Variants in PRMT8 observed in about 807,000 individuals in gnomAD.
PRMT8 encodes protein arginine N-methyltransferase 8.
A neutral mutation model predicts 47.1 loss-of-function variants in PRMT8; 7 were observed. The ratio of observed to expected loss-of-function variants is 0.15; its 90% CI spans 0.08 to 0.28. The LOEUF is 0.28. Ranked by LOEUF, PRMT8 falls within the 10% of genes least tolerant of loss-of-function variation. The pLI, the probability that PRMT8 is intolerant of heterozygous loss-of-function variation, is 1.00. For synonymous variants in PRMT8, 188 were observed against 186.5 expected, an observed-to-expected ratio of 1.01 and a Z score of -0.07; for missense variants, 237 against 505.4, an observed-to-expected ratio of 0.47 and a Z score of 5.09.
intron 1 of PRMT8, among the ~76,000 whole-genome samples, chr12:3,392,317 C>G (rs1369181739): frequency 6.6e-6 from 1 of 151,062 alleles, no homozygotes; most frequent in Non-Finnish European, 1.5e-5. Flanking sequence ...CCCGCTAACT[C>G]ATCATCTAGC....
rs749773006 is a variant in PRMT8, at chr12:3,538,849, G to T, written c.76-1757G>T. 3 of 457,262 alleles carry T rather than the reference G, an allele frequency of 6.6e-6. No individual in the cohort carries two copies. Among genetic ancestry groups the T allele is most frequent in the East Asian group, 1.2e-4 (2 of 17,036 alleles). The allele number at this position is 457,262 out of a possible 1,614,324, so 28.3% of individuals were successfully genotyped here. A position where few individuals can be genotyped will look rare whatever the true frequency, so the allele number is the denominator to read the frequency against. On this transcript the variant is annotated intron_variant, in intron 1 of 9. Coordinates refer to ENST00000382622, the MANE Select transcript of PRMT8 (RefSeq NM_019854.5). The surrounding 1 kb of genome is among the most constrained non-coding windows in gnomAD (Gnocchi z 4.6). ...CAGCCCCACTCGCCTTTGCCAGCCC[G>T]CCCGGGATCTCACCGACGTGAAATC...
At chr12:3,577,836 G>A (rs564308093) in intron 7 of PRMT8, among the ~76,000 whole-genome samples, 22 of 152,266 alleles carry the variant, frequency 1.4e-4, no homozygotes, top group African/African-American at 5.1e-4. Context: ...ATGAAGAACA[G>A]CTGCTCAGCG....
Position 3,535,911 on chromosome 12 carries a change from G to C in PRMT8, c.76-4695G>C, listed in dbSNP as rs1245714063. 6.6e-6 allele frequency among the ~76,000 whole-genome samples: 1 copy of C among 152,154 alleles called. No homozygotes were observed. Among genetic ancestry groups the C allele is most frequent in the African/African-American group, 2.4e-5 (1 of 41,428 alleles). ...TTCACTCAGAGACTCTGCTTGCCTG[G>C]TGTGGCTTAGGGAGGAGTTGAGCCT... is the stretch of plus-strand genomic sequence containing the variant. On this transcript the variant is annotated intron_variant, in intron 1 of 9. Coordinates refer to ENST00000382622, the MANE Select transcript of PRMT8 (RefSeq NM_019854.5). This position sits in a 1 kb window ranked among gnomAD's most constrained non-coding sequence, Gnocchi z 4.7.
intron 1 of PRMT8, among the ~76,000 whole-genome samples, chr12:3,459,572 A>ATTGTGTTTGTTTG: frequency 6.6e-6 from 1 of 152,318 alleles, no homozygotes; most frequent in East Asian, 1.9e-4. Context: ...ATTTATGCAA[A>ATTGTGTTTGTTTG]CACTATGCCA....
rs537307143 is a variant in PRMT8 at position 3,467,200 on chromosome 12, A to T, written c.49-73406A>T. Among the ~76,000 whole-genome samples the T allele has an allele frequency of 6.2e-4, 82 of 131,208 alleles. 2 individuals carry two copies. In the South Asian group the frequency reaches 0.022, roughly 35 times the overall value. The allele number at this position is 131,208 out of a possible 152,430, so 86.1% of individuals were successfully genotyped here. ...GCTTGCAGTGAGCCGAGATCGCACC[A>T]CTGCACTCCAGCCTGGGCGACAGAG... On this transcript the variant is annotated intron_variant, in intron 1 of 9. Transcript: ENST00000452611.
At chr12:3,542,230 T>C (rs1358356029) in intron 2 of PRMT8, among the ~76,000 whole-genome samples, 1 of 152,218 alleles carries the variant, frequency 6.6e-6, no homozygotes, top group Non-Finnish European at 1.5e-5. Context: ...CTGTTCACCA[T>C]GTAAAACCAT....
chr12:3,406,938 C>T (rs1275837203), intron 1 of PRMT8, among the ~76,000 whole-genome samples: 3 of 152,074 alleles, frequency 2.0e-5, no homozygotes, highest in African/African-American at 7.2e-5. Flanking sequence ...ATTCTTGGTA[C>T]CAATTACTGT....
chr12:3,412,681 GT>G (rs1376038887), intron 1 of PRMT8, among the ~76,000 whole-genome samples: 1 of 152,038 alleles, frequency 6.6e-6, no homozygotes, highest in African/African-American at 2.4e-5. Context: ...GTTTGGCTGT[GT>G]CCCCACCCAA....
chr12:3,440,458 T>TCAAAACAAA (rs1864788645), intron 1 of PRMT8, among the ~76,000 whole-genome samples: 1 of 115,902 alleles, frequency 8.6e-6, no homozygotes, highest in African/African-American at 2.9e-5. Flanking sequence ...CAAGACTCCG[T>TCAAAACAAA]CAAAACAAAC....
intron 1 of PRMT8, among the ~76,000 whole-genome samples, chr12:3,461,043 T>A (rs1031661542): frequency 6.6e-6 from 1 of 152,200 alleles, no homozygotes; most frequent in African/African-American, 2.4e-5. Context: ...TTTACTTTTG[T>A]GCTGGTGCAG....
At chr12:3,469,375 T>C in intron 1 of PRMT8, 1 of 279,862 alleles carries the variant, frequency 3.6e-6, no homozygotes, top group Non-Finnish European at 7.0e-6. Flanking sequence ...GAAGAAATGC[T>C]TAGGGGCAGG....
At chr12:3,474,756 C>G (rs1380095581) in intron 1 of PRMT8, among the ~76,000 whole-genome samples, 1 of 152,112 alleles carries the variant, frequency 6.6e-6, no homozygotes, top group Non-Finnish European at 1.5e-5. Context: ...TCTCATCTTG[C>G]AATTGCCTTC....
At chr12:3,567,298 G>A (rs1866737399) in intron 4 of PRMT8, among the ~76,000 whole-genome samples, 1 of 152,236 alleles carries the variant, frequency 6.6e-6, no homozygotes, top group Non-Finnish European at 1.5e-5. Flanking sequence ...GTTAGGTCAA[G>A]TAACTTGTCT....
chr12:3,549,757 T>C (rs1866385677), intron 2 of PRMT8, among the ~76,000 whole-genome samples, 179 bp from the exon 3 acceptor site: 1 of 152,202 alleles, frequency 6.6e-6, no homozygotes, highest in Admixed American at 6.5e-5. Flanking sequence ...AGGGGAAGTT[T>C]GGAATGATGC....
chr12:3,410,652 G>A (rs1864418725), intron 1 of PRMT8, among the ~76,000 whole-genome samples: 1 of 152,168 alleles, frequency 6.6e-6, no homozygotes, highest in East Asian at 1.9e-4. Flanking sequence ...GGGACTACAG[G>A]CACGCGCCAC....
At position 3,540,613 on chromosome 12, in the gene PRMT8, G is replaced by GCCCCCCCAA; in HGVS notation, c.90_91insAACCCCCCC (p.Pro30_Ser31insAsnProPro). ...CCCTTCTCTTCCCCTCAGGTGAACA[G>GCCCCCCCAA]CCCCCCCTCCCAGCCCCCCCAGCCC... On this transcript the variant is annotated inframe_insertion, in exon 2 of 10. Coordinates refer to ENST00000382622, the MANE Select transcript of PRMT8 (RefSeq NM_019854.5). 3.5e-6 allele frequency: 4 copies of GCCCCCCCAA among 1,130,522 alleles called. No homozygotes were observed. Among genetic ancestry groups the GCCCCCCCAA allele is most frequent in the Non-Finnish European group, 5.3e-6 (4 of 752,492 alleles). 70.0% of individuals were successfully genotyped at this position (1,130,522 alleles called of 1,614,324 possible).
At chr12:3,417,749 T>C (rs1285376554) in intron 1 of PRMT8, among the ~76,000 whole-genome samples, 1 of 152,190 alleles carries the variant, frequency 6.6e-6, no homozygotes, top group East Asian at 1.9e-4. Flanking sequence ...GGATTATTTT[T>C]CCCATTATTG....
rs116366941 is a variant in PRMT8, at chr12:3,478,410, T to C, written c.49-62196T>C. On this transcript the variant is annotated intron_variant, in intron 1 of 9. Transcript: ENST00000452611. ...TGCAGGGATTTATTCTACAGAACCT[T>C]GGCTTGGGCCCCTCCACCTTCTGAA... 9.9e-3 allele frequency among the ~76,000 whole-genome samples: 1,509 copies of C among 152,332 alleles called. 31 individuals are homozygous for C. The highest frequency in any genetic ancestry group is 0.034 in the African/African-American group (1,408 of 41,572).
intron 1 of PRMT8, among the ~76,000 whole-genome samples, chr12:3,446,011 A>G (rs574345816): frequency 5.3e-5 from 8 of 152,196 alleles, no homozygotes; most frequent in African/African-American, 1.9e-4. Flanking sequence ...GGCCTCCTAC[A>G]GCATCCTGGA....
Sources: gnomAD v4.1 joint callset for allele counts (sites outside exome capture counted in the v4.1 genomes callset) on GRCh38, gnomAD v4.1.1 for gene constraint, Gnocchi (gnomAD v3.1) non-coding constraint, MANE v1.5 for transcripts, NCBI Gene and HGNC (gene_info 2026-07-23, HGNC 2026-07-21) for gene names.